Variants in KLHL25 observed in about 807,000 individuals in gnomAD.
KLHL25 encodes the protein kelch like family member 25, also known as kelch-like protein 25.
A neutral mutation model predicts 30.0 loss-of-function variants in KLHL25; 41 were observed. The ratio of observed to expected loss-of-function variants is 1.37; its 90% confidence interval spans 1.07 to 1.78. The LOEUF (loss-of-function observed/expected upper bound fraction) is 1.78. Ranked by LOEUF, KLHL25 falls within the 40% of genes most tolerant of loss-of-function variation. The pLI is 0.00. For missense variants in KLHL25, 971 were observed against 824.5 expected (o/e 1.18, Z -2.18); for synonymous variants, 399 against 355.3 (o/e 1.12, Z -1.38).
In KLHL25 at chr15:85,760,356, C is replaced by T. The variant is rs368590300; in HGVS notation, c.*680G>A. 2.0e-4 allele frequency: 31 copies of T among 152,282 alleles called. No homozygotes were observed. In the East Asian group the frequency reaches 5.4e-3, roughly 27 times the overall value. The allele number at this position is 152,282 out of a possible 1,614,324, so 9.4% of individuals were successfully genotyped here. ...TGAGTGGCCACGAGCAACTGTGTCC[C>T]CACCGGGCCACAGCACTGAGCAAGG... On this transcript the variant is annotated 3_prime_UTR_variant, in exon 3 of 3. Transcript: ENST00000337975.
At chr15:85,792,543 C>A (rs1381063120) in intron 1 of KLHL25, among the ~76,000 whole-genome samples, 3 of 152,234 alleles carry the variant, frequency 2.0e-5, no homozygotes, top group African/African-American at 7.2e-5. Flanking sequence ...CCAGGACCCC[C>A]AGAGAAGAGA....
rs202069099 is a variant in KLHL25, at chr15:85,769,673, G to C, written c.138C>G (p.Thr46=). 3 of 1,613,882 alleles carry C rather than the reference G, an allele frequency of 1.9e-6. No individual in the cohort carries two copies. The highest frequency in any genetic ancestry group is 2.7e-5 in the African/African-American group (2 of 75,064). ...LNTLRKHCMF[T]DVTLWAGDRA... Reference sequence around the variant, plus strand: ...GGTCGCCCGCCCAGAGTGTGACGTCGGTGAACATGCAGTGCTTGCGAAGCG... The same window carrying C: ...GGTCGCCCGCCCAGAGTGTGACGTCCGTGAACATGCAGTGCTTGCGAAGCG... The change falls in exon 2 of 3, where the codon ACC becomes ACG. Residue 46 remains threonine (T), a synonymous_variant. Transcript: ENST00000337975.
At chr15:85,785,087 C>CTTTTTT (rs754310721) in intron 1 of KLHL25, among the ~76,000 whole-genome samples, 3 of 139,080 alleles carry the variant, frequency 2.2e-5, no homozygotes, top group Non-Finnish European at 3.2e-5. Flanking sequence ...TGATGTATTT[C>CTTTTTT]TTTTTTCTTT....
intron 1 of KLHL25, among the ~76,000 whole-genome samples, chr15:85,785,188 G>T (rs145509503): frequency 0.012 from 1,866 of 151,316 alleles, 16 homozygotes; most frequent in Non-Finnish European, 0.02. Context: ...CCGCCTCCCG[G>T]GTTCACACCA....
chr15:85,776,899 TG>T (rs1213869877), intron 1 of KLHL25, among the ~76,000 whole-genome samples: 2 of 151,636 alleles, frequency 1.3e-5, no homozygotes, highest in Non-Finnish European at 2.9e-5. Context: ...CACTCCAGCC[TG>T]GGGGACACAG....
intron 1 of KLHL25, chr15:85,770,962 A>G: frequency 4.5e-6 from 1 of 222,006 alleles, no homozygotes; most frequent in Non-Finnish European, 9.1e-6. Flanking sequence ...CTCAGCCAAC[A>G]GGCGGCAAAA....
At position 85,768,699 on chromosome 15, in the gene KLHL25, G is replaced by C; in HGVS notation, c.1112C>G (p.Ala371Gly). 1 of 1,613,508 alleles carries C rather than the reference G, an allele frequency of 6.2e-7. No individual in the cohort carries two copies. Residue 371 changes from alanine to glycine, a missense_variant, in exon 2 of 3, where the codon GCG becomes GGG. Coordinates refer to ENST00000337975, the MANE Select transcript of KLHL25 (RefSeq NM_022480.4). ...YDTVHEEWSKAAPMLIARFGH... is the reference protein window; with the variant it reads ...YDTVHEEWSKGAPMLIARFGH... ...AAAGCGGGCAATCAGCATGGGCGCC[G>C]CCTTGGACCATTCCTCATGTACGGT... is the stretch of plus-strand genomic sequence containing the variant.
At chr15:85,773,031 G>A (rs767789954) in intron 1 of KLHL25, among the ~76,000 whole-genome samples, 4 of 152,254 alleles carry the variant, frequency 2.6e-5, no homozygotes, top group East Asian at 3.8e-4. Flanking sequence ...CTCACTCACC[G>A]ACTCAGCCTG....
intron 1 of KLHL25, among the ~76,000 whole-genome samples, chr15:85,779,101 G>A (rs969229997): frequency 5.4e-5 from 8 of 149,264 alleles, no homozygotes; most frequent in South Asian, 4.2e-4. Context: ...GAAGCCAGCC[G>A]AACCCTCCCA....
intron 1 of KLHL25, among the ~76,000 whole-genome samples, chr15:85,783,996 G>A (rs775792504): frequency 7.9e-5 from 12 of 152,202 alleles, no homozygotes; most frequent in Admixed American, 5.2e-4. Context: ...GAGAATACAC[G>A]TAAAGAGTGT....
At chr15:85,763,027 C>CT (rs2151804172) in intron 2 of KLHL25, 1 of 152,402 alleles carries the variant, frequency 6.6e-6, no homozygotes, top group Non-Finnish European at 1.5e-5. Context: ...TCGGCAGCCC[C>CT]CCCATGCTGG....
chr15:85,773,085 C>T (rs1168793347), intron 1 of KLHL25, among the ~76,000 whole-genome samples: 1 of 152,270 alleles, frequency 6.6e-6, no homozygotes, highest in Non-Finnish European at 1.5e-5. Flanking sequence ...GGCAAGGATG[C>T]TGAGGCCCAC....
intron 1 of KLHL25, among the ~76,000 whole-genome samples, chr15:85,775,891 C>A (rs1220794399): frequency 7.9e-6 from 1 of 126,422 alleles, no homozygotes; most frequent in Admixed American, 8.4e-5. Flanking sequence ...AAAAAAAAAG[C>A]GGCCAGGCGT....
In KLHL25 at chr15:85,768,047, G is replaced by A. The variant is rs759197120; in HGVS notation, c.1764C>T (p.Pro588=). 14 of 1,609,560 alleles carry A rather than the reference G, an allele frequency of 8.7e-6. No individual in the cohort carries two copies. Among genetic ancestry groups the A allele is most frequent in the African/African-American group, 2.7e-5 (2 of 74,948 alleles). The change falls in exon 2 of 3, where the codon CCC becomes CCT. Residue 588 remains proline, a synonymous_variant. Coordinates refer to ENST00000337975, the MANE Select transcript of KLHL25 (RefSeq NM_022480.4). ...TGGGCTCAGCAGGTGCTCCTCACGC[G>A]GGCAGGTGCTTCCAGGTGCTGACAA... ...TAFVSTWKHL[P]A
rs2089641759 is a variant in KLHL25, at chr15:85,768,586, C to T, written c.1225G>A (p.Val409Ile). The part of the protein sequence containing the change: ...LAGVFPASPS[V>I]SLKQVEKYDP... ...TATTTCTCCACTTGTTTCAGGGAGA[C>T]AGAAGGCGAGGCCGGGAAGACCCCT... Residue 409 changes from valine to isoleucine, a missense_variant, in exon 2 of 3, where the codon GTC (valine) becomes ATC (isoleucine). By Grantham distance (29) the Val-to-Ile change is conservative (BLOSUM62 3). Coordinates refer to ENST00000337975, the MANE Select transcript of KLHL25 (RefSeq NM_022480.4). The T allele has an allele frequency of 1.2e-6, 2 of 1,611,410 alleles. No individual in the cohort carries two copies. Among genetic ancestry groups the T allele is most frequent in the Non-Finnish European group, 1.7e-6 (2 of 1,178,108 alleles).
chr15:85,764,708 T>A (rs2089607603), intron 2 of KLHL25, among the ~76,000 whole-genome samples: 2 of 152,126 alleles, frequency 1.3e-5, no homozygotes, highest in Non-Finnish European at 1.5e-5. Flanking sequence ...AGCAGAGACA[T>A]CTAGAGGCCC....
chr15:85,775,185 T>A (rs1438280033), intron 1 of KLHL25, among the ~76,000 whole-genome samples: 1 of 152,116 alleles, frequency 6.6e-6, no homozygotes, highest in Non-Finnish European at 1.5e-5. Context: ...CCAGGGCGAT[T>A]ATTTTAGGTT....
At chr15:85,779,028 C>T (rs536687516) in intron 1 of KLHL25, among the ~76,000 whole-genome samples, 4 of 151,906 alleles carry the variant, frequency 2.6e-5, no homozygotes, top group African/African-American at 9.7e-5. Flanking sequence ...ATGGATTTGG[C>T]CAGCTCCTCA....
chr15:85,769,138 G>A lies in KLHL25; in HGVS notation c.673C>T (p.Arg225Trp), dbSNP rs536770385. The A allele has an allele frequency of 1.8e-5, 29 of 1,609,224 alleles. No homozygotes were observed. Among genetic ancestry groups the A allele is most frequent in the African/African-American group, 4.0e-5 (3 of 74,980 alleles). ...LQWVKHDLEP[R>W]KVHLPELLRS... Reference sequence around the variant, plus strand: ...AGGAGCTCGGGCAAGTGGACCTTCCGTGGCTCCAGGTCGTGCTTCACCCAC... The same window carrying A: ...AGGAGCTCGGGCAAGTGGACCTTCCATGGCTCCAGGTCGTGCTTCACCCAC... The change falls in exon 2 of 3, where the codon CGG becomes TGG. Residue 225 changes from arginine (R) to tryptophan (W), a missense_variant. By Grantham distance (101) the Arg-to-Trp change is moderately radical. Transcript: ENST00000337975.
Sources: gnomAD v4.1 joint callset for allele counts (sites outside exome capture counted in the v4.1 genomes callset) on GRCh38, gnomAD v4.1.1 for gene constraint, MANE v1.5 for transcripts, NCBI Gene and HGNC (gene_info 2026-07-23, HGNC 2026-07-21) for gene names.